COL4A1: variants seen among roughly 807,000 people sequenced by gnomAD.
The protein encoded by COL4A1 is collagen alpha-1(IV) chain.
COL4A1 carries 40 observed loss-of-function variants against 216.6 expected under a neutral mutation model. The ratio of observed to expected loss-of-function variants is 0.18; its 90% CI spans 0.14 to 0.24. The LOEUF is 0.24. COL4A1 is among the 10% of genes least tolerant of loss of function. COL4A1 has a pLI of 1.00. For synonymous variants in COL4A1, 839 were observed against 810.7 expected, an observed-to-expected ratio of 1.03 and a Z score of -0.59; for missense variants, 1,628 against 2,196.8, an observed-to-expected ratio of 0.74 and a Z score of 5.18.
chr13:110,283,822 G>A (rs1427497420), intron 1 of COL4A1, among the ~76,000 whole-genome samples: 1 of 152,178 alleles, frequency 6.6e-6, no homozygotes, highest in Non-Finnish European at 1.5e-5. Context: ...GGTGGCATTT[G>A]GGGGGTTATT....
intron 2 of COL4A1, among the ~76,000 whole-genome samples, chr13:110,230,161 CGTGT>C (rs144788845): frequency 6.6e-6 from 1 of 151,596 alleles, no homozygotes; most frequent in South Asian, 2.1e-4. Context: ...GAAGAAAGTG[CGTGT>C]GTGTGTGAGT....
chr13:110,240,395 T>C (rs1221734514), intron 2 of COL4A1, among the ~76,000 whole-genome samples: 3 of 152,228 alleles, frequency 2.0e-5, no homozygotes, highest in Non-Finnish European at 4.4e-5. Flanking sequence ...ATCCCAGTCC[T>C]GGCCCGGGCT....
chr13:110,151,368 A>G (rs1413685083), intron 51 of COL4A1, among the ~76,000 whole-genome samples: 1 of 152,078 alleles, frequency 6.6e-6, no homozygotes, highest in Non-Finnish European at 1.5e-5. Flanking sequence ...GGGCTGAGGC[A>G]TGAACAAAGT....
chr13:110,203,815 T>TA (rs1251181919), intron 17 of COL4A1, among the ~76,000 whole-genome samples: 10 of 152,082 alleles, frequency 6.6e-5, no homozygotes, highest in Non-Finnish European at 1.3e-4. Context: ...CACATGAAAA[T>TA]AAAGATCTCT....
chr13:110,231,197 C>G (rs561388040), intron 2 of COL4A1, among the ~76,000 whole-genome samples: 2 of 152,292 alleles, frequency 1.3e-5, no homozygotes, highest in East Asian at 3.9e-4. Context: ...GACTGGGGAG[C>G]CCCACATGGG....
intron 1 of COL4A1, among the ~76,000 whole-genome samples, chr13:110,254,070 C>T (rs1398359966): frequency 1.3e-5 from 2 of 152,128 alleles, no homozygotes; most frequent in South Asian, 2.1e-4. Context: ...TCTGACCCCA[C>T]CCACAACCTT....
chr13:110,289,289 C>T (rs1883984314), intron 1 of COL4A1, among the ~76,000 whole-genome samples: 1 of 151,506 alleles, frequency 6.6e-6, no homozygotes, highest in Non-Finnish European at 1.5e-5. Context: ...CTAGCACGAT[C>T]CAGGCCGGGG....
At chr13:110,156,525 C>T (rs896303464) in intron 49 of COL4A1, among the ~76,000 whole-genome samples, 5 of 152,212 alleles carry the variant, frequency 3.3e-5, no homozygotes, top group Admixed American at 6.5e-5. Flanking sequence ...AAGTGACCTC[C>T]AGAGGACCCT....
rs1876421600 is a variant in COL4A1, at chr13:110,149,920, A to C, written c.*443T>G. 1 of 258,184 alleles carries C rather than the reference A, an allele frequency of 3.9e-6. No individual in the cohort carries two copies. The highest frequency in any genetic ancestry group is 7.7e-6 in the Non-Finnish European group (1 of 130,222). The allele number at this position is 258,184 out of a possible 1,614,324, so 16.0% of individuals were successfully genotyped here. On this transcript the variant is annotated 3_prime_UTR_variant, in exon 52 of 52. Coordinates refer to ENST00000375820, the MANE Select transcript of COL4A1 (RefSeq NM_001845.6). The stretch of plus-strand genomic sequence containing the variant: ...ATTTTTACATTGCTATTATTTGTAC[A>C]GACCAAGGGACCTAAATTTTGAAAC...
intron 50 of COL4A1, among the ~76,000 whole-genome samples, chr13:110,154,007 T>TA (rs1373164044): frequency 2.0e-5 from 3 of 152,044 alleles, no homozygotes; most frequent in Non-Finnish European, 4.4e-5. Flanking sequence ...ACTCAAACAT[T>TA]AAAAAAATGC....
chr13:110,200,496 C>G (rs962287870), intron 20 of COL4A1, among the ~76,000 whole-genome samples: 3 of 152,144 alleles, frequency 2.0e-5, no homozygotes, highest in Non-Finnish European at 4.4e-5. Context: ...AGGCGCCTGA[C>G]TGTGCTAGAA....
In COL4A1 at chr13:110,211,969, C is replaced by G. The variant is rs772757268; in HGVS notation, c.388-47G>C. The stretch of plus-strand genomic sequence containing the variant: ...ATTCATACGCACTGTGTGTGGCAGA[C>G]ACATCAGCCCTGACATCGCATGCAT... On this transcript the variant is annotated intron_variant, in intron 6 of 51. Coordinates refer to ENST00000375820, the MANE Select transcript of COL4A1 (RefSeq NM_001845.6). This position sits in a 1 kb window ranked among gnomAD's most constrained non-coding sequence, Gnocchi z 4.3. 6.4e-7 allele frequency: 1 copy of G among 1,563,980 alleles called. No individual in the cohort carries two copies.
Position 110,253,339 on chromosome 13 carries a change from C to T in COL4A1, c.85-10605G>A, listed in dbSNP as rs191618273. 3.5e-3 allele frequency among the ~76,000 whole-genome samples: 95 copies of T among 27,024 alleles called. 19 individuals carry two copies. Among genetic ancestry groups the T allele is most frequent in the African/African-American group, 9.1e-3 (86 of 9,502 alleles). 17.7% of individuals were successfully genotyped at this position (27,024 alleles called of 152,430 possible). ...CATATACATATAATTATATGTATTA[C>T]ATATACATATAATTATATGTATTAC... On this transcript the variant is annotated intron_variant, in intron 1 of 51. Transcript: ENST00000375820.
chr13:110,244,213 C>A (rs571607192), intron 1 of COL4A1, among the ~76,000 whole-genome samples: 23 of 152,242 alleles, frequency 1.5e-4, no homozygotes, highest in African/African-American at 5.5e-4. Context: ...CATGGAGACG[C>A]CTGCATAAAA....
intron 1 of COL4A1, among the ~76,000 whole-genome samples, chr13:110,249,886 T>C (rs2139256089): frequency 6.6e-6 from 1 of 152,270 alleles, no homozygotes; most frequent in Non-Finnish European, 1.5e-5. Context: ...AAAATATACT[T>C]AGTATTGTGG....
rs768986017 is a variant in COL4A1 at position 110,183,076 on chromosome 13, G to C, written c.2012C>G (p.Thr671Ser). 3.7e-6 allele frequency: 6 copies of C among 1,613,190 alleles called. No individual in the cohort carries two copies. The South Asian group carries it at 5.5e-5, about 15-fold the overall frequency. Residue 671 changes from threonine (T) to serine (S), a missense_variant, in exon 28 of 52, where the codon ACC becomes AGC. Physicochemically the swap from Thr to Ser is moderately conservative, Grantham distance 58. Coordinates refer to ENST00000375820, the MANE Select transcript of COL4A1 (RefSeq NM_001845.6). ...TCCTGGCAGGCCTGGCCTTCCTGGG[G>C]TTCCGGGAAAGCCTCGGTCTCCTGT... ...GPQGDRGFPG[T>S]PGRPGLPGEK...
At chr13:110,219,675 T>TGTATATAC (rs1880287210) in intron 2 of COL4A1, among the ~76,000 whole-genome samples, 1 of 79,382 alleles carries the variant, frequency 1.3e-5, no homozygotes, top group African/African-American at 4.2e-5. Flanking sequence ...TATATATATA[T>TGTATATAC]ATGTGTATAT....
At position 110,187,308 on chromosome 13, in the gene COL4A1, G is replaced by T; in HGVS notation, c.1558C>A (p.Leu520Met). 6.2e-7 allele frequency: 1 copy of T among 1,612,612 alleles called. No individual in the cohort carries two copies. ...CCCTTGGCTCCTGGCTGGCCTATCA[G>T]CCCTGGTGTACCTTGAGGGCCCTGT... ...GVPGPQGTPG[L>M]IGQPGAKGEP... Residue 520 changes from leucine (L) to methionine (M), a missense_variant, in exon 25 of 52, where the codon CTG (leucine) becomes ATG (methionine). By Grantham distance (15) the Leu-to-Met change is conservative. Transcript: ENST00000375820.
At chr13:110,210,991 C>G (rs1879768144) in intron 8 of COL4A1, among the ~76,000 whole-genome samples, 1 of 152,198 alleles carries the variant, frequency 6.6e-6, no homozygotes, top group Admixed American at 6.5e-5. Flanking sequence ...TCTGGCCACA[C>G]ACACACATGC....
Sources: gnomAD v4.1 joint callset for allele counts (sites outside exome capture counted in the v4.1 genomes callset) on GRCh38, gnomAD v4.1.1 for gene constraint, Gnocchi (gnomAD v3.1) non-coding constraint, MANE v1.5 for transcripts, NCBI Gene and HGNC (gene_info 2026-07-23, HGNC 2026-07-21) for gene names.